PDHX: variants seen among roughly 807,000 people sequenced by gnomAD.
PDHX encodes pyruvate dehydrogenase complex component X, also known as pyruvate dehydrogenase protein X component, mitochondrial.
A neutral mutation model predicts 55.3 loss-of-function variants in PDHX; 33 were observed. That is an observed-to-expected ratio of 0.60 (90% CI 0.45 to 0.80). The LOEUF (loss-of-function observed/expected upper bound fraction) is 0.80. Ranked by LOEUF, PDHX falls within the 30% of genes least tolerant of loss-of-function variation. The pLI, the probability that PDHX is intolerant of heterozygous loss-of-function variation, is 0.00. For missense variants in PDHX, 622 were observed against 619.9 expected, an observed-to-expected ratio of 1.00 and a Z score of -0.04; for synonymous variants, 226 against 219.4, an observed-to-expected ratio of 1.03 and a Z score of -0.27.
At chr11:34,916,536 A>G, upstream of PDHX, 1 of 1,478,810 alleles carries the variant, frequency 6.8e-7, no homozygotes, top group South Asian at 1.3e-5. Flanking sequence ...GCGGGGGTTC[A>G]AGTCTGAGAG....
chr11:34,960,554 A>G lies in PDHX; in HGVS notation c.641+36A>G, dbSNP rs754844336. 7.6e-6 allele frequency: 9 copies of G among 1,179,490 alleles called. No homozygotes were observed. The South Asian group carries it at 8.7e-5, about 11-fold the overall frequency. The allele number at this position is 1,179,490 out of a possible 1,614,324, so 73.1% of individuals were successfully genotyped here. A position where few individuals can be genotyped will look rare whatever the true frequency, so the allele number is the denominator to read the frequency against. ...GCTTTTTGTAATAACCAGTTCCATT[A>G]TTTATTATGATCATGTTTTTTTGAA... is the stretch of plus-strand genomic sequence containing the variant. On this transcript the variant is annotated intron_variant, in intron 5 of 10. Coordinates refer to ENST00000227868, the MANE Select transcript of PDHX (RefSeq NM_003477.3).
chr11:34,985,389 C>T (rs1590770113), intron 9 of PDHX, among the ~76,000 whole-genome samples: 1 of 151,986 alleles, frequency 6.6e-6, no homozygotes, highest in Admixed American at 6.6e-5. Context: ...TGCAGTGAGC[C>T]GAGATTGCGC....
intron 7 of PDHX, among the ~76,000 whole-genome samples, chr11:34,975,685 T>C (rs1855353060): frequency 6.6e-6 from 1 of 151,818 alleles, no homozygotes; most frequent in South Asian, 2.1e-4. Context: ...ATTTACTTCC[T>C]GTGTTTGTCT....
At chr11:34,958,767 G>A (rs7945524) in intron 4 of PDHX, among the ~76,000 whole-genome samples, 15,329 of 152,098 alleles carry the variant, frequency 0.1, 1,623 homozygotes, top group African/African-American at 0.27. Context: ...ATAATAGTAT[G>A]TACCCTAATT....
chr11:34,973,398 C>A (rs1685180965), intron 7 of PDHX, among the ~76,000 whole-genome samples: 1 of 152,074 alleles, frequency 6.6e-6, no homozygotes, highest in South Asian at 2.1e-4. Flanking sequence ...GATGTTTAGA[C>A]CGCTCACATT....
At chr11:34,940,364 G>T (rs776615340) in intron 2 of PDHX, among the ~76,000 whole-genome samples, 118 of 152,084 alleles carry the variant, frequency 7.8e-4, no homozygotes, top group Non-Finnish European at 1.5e-3. Flanking sequence ...AAACCATTTT[G>T]AAGAAAGCCT....
chr11:34,983,587 ACAAT>A (rs1855570372), intron 8 of PDHX, among the ~76,000 whole-genome samples: 1 of 151,308 alleles, frequency 6.6e-6, no homozygotes, highest in Middle Eastern at 3.4e-3. Context: ...CTCAGAATAC[ACAAT>A]CAATGTGCAA....
At chr11:34,957,622 A>T (rs1218805627) in intron 4 of PDHX, 39 bp downstream of exon 4, 1 of 1,517,846 alleles carries the variant, frequency 6.6e-7, no homozygotes, top group Non-Finnish European at 9.1e-7. Context: ...GTAAAAAAAA[A>T]AAGTTATGGC....
At chr11:34,944,883 A>G (rs376385872) in intron 2 of PDHX, among the ~76,000 whole-genome samples, 1 of 152,148 alleles carries the variant, frequency 6.6e-6, no homozygotes, top group Admixed American at 6.5e-5. Flanking sequence ...ATTTTAATCC[A>G]TTTATATTTA....
intron 2 of PDHX, chr11:34,941,776 C>T (rs1854490833): frequency 6.5e-6 from 1 of 154,420 alleles, no homozygotes; most frequent in Non-Finnish European, 1.5e-5. Flanking sequence ...AGGGAAGCCT[C>T]CGTATACTTC....
At chr11:34,988,032 T>G (rs1855687910) in intron 9 of PDHX, among the ~76,000 whole-genome samples, 1 of 152,212 alleles carries the variant, frequency 6.6e-6, no homozygotes, top group South Asian at 2.1e-4. Flanking sequence ...TACATCAAGC[T>G]TTGTACTATG....
chr11:34,930,062 T>C (rs570870025), intron 1 of PDHX, among the ~76,000 whole-genome samples: 1 of 152,320 alleles, frequency 6.6e-6, no homozygotes, highest in African/African-American at 2.4e-5. Flanking sequence ...TCATACCTGG[T>C]GGGCCCTGAT....
At chr11:34,926,698 G>T (rs1854030936) in intron 1 of PDHX, among the ~76,000 whole-genome samples, 1 of 151,840 alleles carries the variant, frequency 6.6e-6, no homozygotes, top group Non-Finnish European at 1.5e-5. Context: ...AGACCTTTTA[G>T]CATTCATGAA....
intron 3 of PDHX, among the ~76,000 whole-genome samples, chr11:34,952,594 T>C (rs1854800880): frequency 1.3e-5 from 2 of 151,838 alleles, no homozygotes. Context: ...AAAAACCACA[T>C]GATTATCTCA....
chr11:34,966,699 C>T lies in PDHX; in HGVS notation c.701C>T (p.Thr234Ile), dbSNP rs142914598. 1.0e-4 allele frequency: 168 copies of T among 1,614,032 alleles called. No individual in the cohort carries two copies. Among genetic ancestry groups the T allele is most frequent in the Non-Finnish European group, 1.4e-4 (163 of 1,180,008 alleles). ...GGCAAGATTACCGAGTCCAGACCAACTCCAGCCCCCACAGCCACTCCCACA... is the reference window on the plus strand; with the variant it reads ...GGCAAGATTACCGAGTCCAGACCAATTCCAGCCCCCACAGCCACTCCCACA... ...QTGKITESRP[T>I]PAPTATPTAP... The change falls in exon 6 of 11, where the codon ACT (threonine) becomes ATT (isoleucine). Residue 234 changes from threonine (T) to isoleucine (I), a missense_variant. Physicochemically the swap from Thr to Ile is moderately conservative, Grantham distance 89. Coordinates refer to ENST00000227868, the MANE Select transcript of PDHX (RefSeq NM_003477.3).
At chr11:34,970,963 T>C (rs1458213528) in intron 7 of PDHX, among the ~76,000 whole-genome samples, 1 of 152,174 alleles carries the variant, frequency 6.6e-6, no homozygotes, top group Non-Finnish European at 1.5e-5. Flanking sequence ...CATAGGTCAA[T>C]TTTTTTGTAA....
intron 3 of PDHX, among the ~76,000 whole-genome samples, chr11:34,950,150 T>C (rs1448390369): frequency 6.6e-6 from 1 of 151,892 alleles, no homozygotes; most frequent in African/African-American, 2.4e-5. Flanking sequence ...TATTTTTTCA[T>C]TAAGTTGCCC....
At chr11:34,968,778 T>A (rs1418972808) in intron 6 of PDHX, among the ~76,000 whole-genome samples, 1 of 152,226 alleles carries the variant, frequency 6.6e-6, no homozygotes, top group Non-Finnish European at 1.5e-5. Context: ...GACCCTTCAG[T>A]TACCTTTCAT....
chr11:34,994,533 A>G (rs929966537), intron 10 of PDHX, among the ~76,000 whole-genome samples: 14 of 152,178 alleles, frequency 9.2e-5, no homozygotes, highest in African/African-American at 3.4e-4. Flanking sequence ...AAGTAATTGC[A>G]ATATGATGTT....
Sources: allele counts gnomAD v4.1 joint callset (sites outside exome capture counted in the v4.1 genomes callset), GRCh38; gene constraint gnomAD v4.1.1; transcripts MANE v1.5; gene names NCBI Gene and HGNC (gene_info 2026-07-23, HGNC 2026-07-21).